TG: variants seen among roughly 807,000 people sequenced by gnomAD.
TG encodes the protein thyroglobulin.
Under a neutral mutation model 324.7 loss-of-function variants are expected in TG, and 270 were observed. The observed-to-expected ratio is 0.83, with a 90% CI of 0.75 to 0.92. The LOEUF is 0.92. Among genes scored for constraint, TG ranks in the 40% least tolerant of loss-of-function variants. The pLI, the probability that TG is intolerant of heterozygous loss-of-function variation, is 0.00. For synonymous variants in TG, 1,401 were observed against 1,327.0 expected, an observed-to-expected ratio of 1.06 and a Z score of -1.21; for missense variants, 3,591 against 3,456.4, an observed-to-expected ratio of 1.04 and a Z score of -0.98.
chr8:132,976,823 G>A (rs966157510), intron 34 of TG, among the ~76,000 whole-genome samples: 3 of 151,638 alleles, frequency 2.0e-5, no homozygotes, highest in African/African-American at 7.2e-5. Flanking sequence ...CTCCAGCAGA[G>A]CAGGACAGGG....
rs1054097801 is a variant in TG at position 133,134,681 on chromosome 8, G to C, written c.8194G>C (p.Ala2732Pro). The C allele has an allele frequency of 6.2e-7, 1 of 1,613,956 alleles. No individual in the cohort carries two copies. The highest frequency in any genetic ancestry group is 8.5e-7 in the Non-Finnish European group (1 of 1,179,878). ...TCCTTGCCCCTCTGTTTCAGATGGA[G>C]CCAAGGGCGGGCAGTCAGCAGAGAG... ...ISSLKTSADG[A>P]KGGQSAESEE... The change falls in exon 48 of 48, where the codon GCC becomes CCC. Residue 2732 changes from alanine (A) to proline (P), a missense_variant. Transcript: ENST00000220616.
At chr8:133,014,922 G>A (rs544681754) in intron 37 of TG, among the ~76,000 whole-genome samples, 8 of 152,246 alleles carry the variant, frequency 5.3e-5, no homozygotes, top group Admixed American at 3.9e-4. Flanking sequence ...GTCTCACTCT[G>A]TCACTCAGGC....
At chr8:133,049,216 T>C (rs1323014166) in intron 41 of TG, 2 of 453,456 alleles carry the variant, frequency 4.4e-6, no homozygotes, top group Non-Finnish European at 8.9e-6. Context: ...TATTTTCTTA[T>C]CTGTTGAGCC....
chr8:133,019,669 C>T lies in TG; in HGVS notation c.6850C>T (p.Leu2284Phe). ...SPGVSEDCLYLNVFIPQNVAP... is the reference protein window; with the variant it reads ...SPGVSEDCLYFNVFIPQNVAP... ...TGGAGTCAGTGAAGATTGTTTGTAT[C>T]TCAATGTGTTCATCCCTCAGAATGT... is the stretch of plus-strand genomic sequence containing the variant. Residue 2284 changes from leucine (L) to phenylalanine (F), a missense_variant, in exon 39 of 48, where the codon CTC becomes TTC. Coordinates refer to ENST00000220616, the MANE Select transcript of TG (RefSeq NM_003235.5). 1 of 1,613,536 alleles carries T rather than the reference C, an allele frequency of 6.2e-7. No individual in the cohort carries two copies. The highest frequency in any genetic ancestry group is 1.1e-5 in the South Asian group (1 of 91,002).
chr8:133,132,134 A>G (rs575081883), intron 46 of TG, among the ~76,000 whole-genome samples, 188 bp downstream of exon 46: 2 of 152,254 alleles, frequency 1.3e-5, no homozygotes, highest in Non-Finnish European at 2.9e-5. Context: ...GCATACATTA[A>G]TCTTCATGAA....
chr8:132,969,583 G>A lies in TG; in HGVS notation c.5975+14G>A. The A allele has an allele frequency of 6.8e-7, 1 of 1,462,094 alleles. No homozygotes were observed. Among genetic ancestry groups the A allele is most frequent in the Non-Finnish European group, 9.6e-7 (1 of 1,041,616 alleles). 90.6% of individuals were successfully genotyped at this position (1,462,094 alleles called of 1,614,324 possible). On this transcript the variant is annotated intron_variant, in intron 32 of 47. Transcript: ENST00000220616. ...TATTTCTAATGGGTAAGCTACTTGTGTCTCACCCCTAATGTTTATTATGAA... is the reference window on the plus strand; with the variant it reads ...TATTTCTAATGGGTAAGCTACTTGTATCTCACCCCTAATGTTTATTATGAA...
intron 41 of TG, chr8:133,047,345 G>C (rs924385307): frequency 6.4e-6 from 1 of 156,270 alleles, no homozygotes; most frequent in Non-Finnish European, 1.4e-5. Context: ...AACTGATATC[G>C]GGACTGTCTG....
chr8:133,047,509 C>A (rs1839651259), intron 41 of TG: 2 of 352,618 alleles, frequency 5.7e-6, no homozygotes, highest in Non-Finnish European at 1.1e-5. Flanking sequence ...CCAAAGGCCA[C>A]ATTCTATCTG....
intron 5 of TG, among the ~76,000 whole-genome samples, 183 bp from the exon 6 acceptor site, chr8:132,881,680 C>A (rs983010995): frequency 6.6e-6 from 1 of 152,172 alleles, no homozygotes; most frequent in Non-Finnish European, 1.5e-5. Context: ...CTGGTTCCAG[C>A]CAGGTTAAAC....
intron 26 of TG, among the ~76,000 whole-genome samples, chr8:132,947,676 C>T (rs1051094697): frequency 2.0e-5 from 3 of 151,616 alleles, no homozygotes; most frequent in African/African-American, 7.3e-5. Context: ...AACTCTACTC[C>T]CTAAAAGGTT....
At chr8:132,906,026 A>G (rs1178777280) in intron 16 of TG, among the ~76,000 whole-genome samples, 1 of 152,182 alleles carries the variant, frequency 6.6e-6, no homozygotes, top group East Asian at 1.9e-4. Flanking sequence ...GAGAGCTGAT[A>G]TTCGGCTCTG....
intron 45 of TG, 110 bp downstream of exon 45, chr8:133,116,826 T>C (rs892285335): frequency 2.3e-6 from 2 of 883,154 alleles, no homozygotes; most frequent in Admixed American, 3.9e-5. Flanking sequence ...TTTCCTCATC[T>C]GAGAAATAGA....
chr8:132,984,622 T>A (rs1234536054), intron 35 of TG, among the ~76,000 whole-genome samples: 1 of 152,060 alleles, frequency 6.6e-6, no homozygotes, highest in Non-Finnish European at 1.5e-5. Context: ...GTTGAAATAA[T>A]CAAAAAGTCC....
At position 132,933,686 on chromosome 8, in the gene TG, G is replaced by A. The variant is rs745821121; in HGVS notation, c.4932+10G>A. On this transcript the variant is annotated intron_variant, in intron 24 of 47. Transcript: ENST00000220616. ...CATGACTTCTGACCAGGTGAGGTGG[G>A]GCAGCCACGTGTGGTTCTGCTCCTC... The A allele has an allele frequency of 1.2e-5, 19 of 1,611,936 alleles. 1 individual carries two copies. The South Asian group carries it at 2.0e-4, about 17-fold the overall frequency.
Position 132,967,933 on chromosome 8 carries a change from C to A in TG, c.5826C>A (p.Ile1942=). ...CCAATGCCCAGGGCTGCAGACTGAT[C>A]CTGCCTCAGATGCCAAAGGCCCTGT... is the stretch of plus-strand genomic sequence containing the variant. ...MESNAQGCRL[I]LPQMPKALFR... is the part of the protein sequence containing the mutation. The change falls in exon 31 of 48, where the codon ATC becomes ATA. Residue 1942 remains isoleucine, a synonymous_variant. Transcript: ENST00000220616. 1 of 1,613,854 alleles carries A rather than the reference C, an allele frequency of 6.2e-7. No individual in the cohort carries two copies. Among genetic ancestry groups the A allele is most frequent in the Non-Finnish European group, 8.5e-7 (1 of 1,179,890 alleles).
intron 23 of TG, 123 bp from the exon 24 acceptor site, chr8:132,933,432 ATTTGTG>A (rs1554672508): frequency 1.3e-5 from 7 of 554,228 alleles, no homozygotes; most frequent in Non-Finnish European, 2.1e-5. Flanking sequence ...GTATCTGCAT[ATTTGTG>A]TGTGTGTGTG....
Position 132,888,185 on chromosome 8 carries a change from A to G in TG, c.2378A>G (p.Lys793Arg). ...TACCAACGATGGGAGGCTCAGAACA[A>G]GGGCCAGGATCTGACGCCTGCCAAG... ...ELYQRWEAQN[K>R]GQDLTPAKLL... Residue 793 changes from lysine to arginine, a missense_variant, in exon 10 of 48, where the codon AAG (lysine) becomes AGG (arginine). By Grantham distance (26) the Lys-to-Arg change is conservative. Coordinates refer to ENST00000220616, the MANE Select transcript of TG (RefSeq NM_003235.5). 6.2e-7 allele frequency: 1 copy of G among 1,614,188 alleles called. No homozygotes were observed. The highest frequency in any genetic ancestry group is 1.1e-5 in the South Asian group (1 of 91,076).
At chr8:133,038,660 C>G (rs1409110879) in intron 41 of TG, 1 of 1,613,762 alleles carries the variant, frequency 6.2e-7, no homozygotes, top group African/African-American at 1.3e-5. Flanking sequence ...AGAGGCAATG[C>G]TCTCTCGAAG....
At chr8:133,051,082 C>G (rs747461308) in intron 41 of TG, among the ~76,000 whole-genome samples, 2 of 152,200 alleles carry the variant, frequency 1.3e-5, no homozygotes, top group South Asian at 4.1e-4. Flanking sequence ...AGAGATGGCT[C>G]TGCAGGGTGT....
Sources: allele counts gnomAD v4.1 joint callset (sites outside exome capture counted in the v4.1 genomes callset), GRCh38; gene constraint gnomAD v4.1.1; transcripts MANE v1.5; gene names NCBI Gene and HGNC (gene_info 2026-07-23, HGNC 2026-07-21).